The following MAF variants were observed in gnomAD, a reference collection of about 807,000 sequenced individuals.
The protein encoded by MAF is transcription factor Maf.
MAF carries 10 observed loss-of-function variants against 22.0 expected under a neutral mutation model. That is an observed-to-expected ratio of 0.45 (90% CI 0.28 to 0.77). MAF has a LOEUF of 0.77. MAF is among the 30% of genes least tolerant of loss of function. The pLI is 0.12. For synonymous variants in MAF, 337 were observed against 255.8 expected, an observed-to-expected ratio of 1.32 and a Z score of -3.03; for missense variants, 544 against 548.4, an observed-to-expected ratio of 0.99 and a Z score of 0.08.
the MAF span, among the ~76,000 whole-genome samples, chr16:79,551,217 G>A: frequency 6.6e-6 from 1 of 152,196 alleles, no homozygotes; most frequent in East Asian, 1.9e-4. Flanking sequence ...GATTCCCTAA[G>A]GAGTCAGACT....
At chr16:79,247,574 T>G in the MAF span, among the ~76,000 whole-genome samples, 2 of 152,186 alleles carry the variant, frequency 1.3e-5, no homozygotes, top group African/African-American at 4.8e-5. Context: ...CAAAACACTC[T>G]GCGCAAACAT....
chr16:79,524,269 G>A, the MAF span, among the ~76,000 whole-genome samples: 6 of 152,166 alleles, frequency 3.9e-5, no homozygotes, highest in Non-Finnish European at 5.9e-5. Flanking sequence ...TGCATTAGCC[G>A]GGGGCTATGC....
the MAF span, among the ~76,000 whole-genome samples, chr16:79,233,318 T>C: frequency 1.5e-4 from 23 of 152,020 alleles, no homozygotes; most frequent in Non-Finnish European, 1.8e-4. Context: ...GATGAAAATG[T>C]GCTATGTTAG....
chr16:79,343,238 AC>A, the MAF span, among the ~76,000 whole-genome samples: 54,904 of 146,316 alleles, frequency 0.38, 10,714 homozygotes, highest in Non-Finnish European at 0.44. Flanking sequence ...ATCAGCCCCA[AC>A]CCCCCCCCAA....
At chr16:79,430,423 T>C in the MAF span, among the ~76,000 whole-genome samples, 1 of 152,050 alleles carries the variant, frequency 6.6e-6, no homozygotes, top group Admixed American at 6.6e-5. Flanking sequence ...AACTGGAAAT[T>C]TTCTCCAAAA....
At chr16:79,282,657 A>T in the MAF span, among the ~76,000 whole-genome samples, 1 of 152,220 alleles carries the variant, frequency 6.6e-6, no homozygotes, top group Non-Finnish European at 1.5e-5. Context: ...GCAAATTCTC[A>T]AATTACTCAG....
the MAF span, among the ~76,000 whole-genome samples, chr16:79,425,383 T>A: frequency 9.4e-3 from 1,430 of 152,282 alleles, 21 homozygotes; most frequent in African/African-American, 0.033. Context: ...TCTTACTACA[T>A]TGTTTGCATG....
At chr16:79,586,414 C>A (rs977916491) in intron 1 of MAF, among the ~76,000 whole-genome samples, 1 of 152,194 alleles carries the variant, frequency 6.6e-6, no homozygotes, top group African/African-American at 2.4e-5. Flanking sequence ...CATCTGCCCC[C>A]ACCTCCTCTG....
At chr16:79,265,212 C>T in the MAF span, among the ~76,000 whole-genome samples, 3 of 152,046 alleles carry the variant, frequency 2.0e-5, no homozygotes, top group African/African-American at 2.4e-5. Flanking sequence ...ATGTATTCCC[C>T]CTGTTTAATC....
the MAF span, among the ~76,000 whole-genome samples, chr16:79,372,923 C>T: frequency 1.3e-5 from 2 of 152,192 alleles, no homozygotes; most frequent in South Asian, 2.1e-4. Context: ...ATTCTTTCCT[C>T]CCCTCTTAAT....
the MAF span, among the ~76,000 whole-genome samples, chr16:79,242,962 A>G: frequency 5.9e-5 from 9 of 152,228 alleles, no homozygotes; most frequent in African/African-American, 2.2e-4. Flanking sequence ...TGGGTAAATA[A>G]CAAAATGAAG....
chr16:79,464,039 G>A, the MAF span, among the ~76,000 whole-genome samples: 1 of 151,974 alleles, frequency 6.6e-6, no homozygotes, highest in Non-Finnish European at 1.5e-5. Flanking sequence ...GAAAAGGAAG[G>A]GATCGGGAGC....
At chr16:79,263,110 G>A in the MAF span, among the ~76,000 whole-genome samples, 10 of 152,224 alleles carry the variant, frequency 6.6e-5, no homozygotes, top group East Asian at 1.9e-4. Flanking sequence ...AGTTTTTACC[G>A]CTTGCCAGGA....
chr16:79,595,316 G>A, intron 1 of MAF: 2 of 1,049,470 alleles, frequency 1.9e-6, no homozygotes, highest in Non-Finnish European at 2.3e-6. Context: ...TAAAAAATAG[G>A]CAGGAAGGCC....
At chr16:79,449,139 G>C in the MAF span, among the ~76,000 whole-genome samples, 1 of 152,292 alleles carries the variant, frequency 6.6e-6, no homozygotes, top group East Asian at 1.9e-4. Context: ...GTTCACAATA[G>C]GGTTTGTATT....
the MAF span, among the ~76,000 whole-genome samples, chr16:79,287,622 C>T: frequency 1.3e-5 from 2 of 152,222 alleles, no homozygotes; most frequent in South Asian, 4.1e-4. Context: ...CCCTTAGCGT[C>T]AGGAATCAGA....
At chr16:79,449,231 T>A in the MAF span, among the ~76,000 whole-genome samples, 2 of 152,162 alleles carry the variant, frequency 1.3e-5, no homozygotes, top group African/African-American at 4.8e-5. Context: ...TAAATACACA[T>A]GAAGCTTCAT....
chr16:79,493,043 C>G, the MAF span, among the ~76,000 whole-genome samples: 1 of 151,736 alleles, frequency 6.6e-6, no homozygotes, highest in African/African-American at 2.4e-5. Flanking sequence ...ACTGCAACCT[C>G]ATCTCAAGGG....
At chr16:79,230,495 T>G in the MAF span, among the ~76,000 whole-genome samples, 2 of 152,088 alleles carry the variant, frequency 1.3e-5, no homozygotes, top group African/African-American at 4.8e-5. Context: ...GACCATTGAT[T>G]TCGAAGAATG....
Sources: gnomAD v4.1 joint callset for allele counts (sites outside exome capture counted in the v4.1 genomes callset) on GRCh38, gnomAD v4.1.1 for gene constraint, MANE v1.5 for transcripts, NCBI Gene and HGNC (gene_info 2026-07-23, HGNC 2026-07-21) for gene names.